Variants in DIP2B observed in about 807,000 individuals in gnomAD.
DIP2B encodes disco-interacting protein 2 homolog B.
Under a neutral mutation model 198.0 loss-of-function variants are expected in DIP2B, and 76 were observed. That is an observed-to-expected ratio of 0.38 (90% CI 0.32 to 0.46). The LOEUF is 0.46. Ranked by LOEUF, DIP2B falls within the 20% of genes least tolerant of loss-of-function variation. DIP2B has a pLI of 0.99. For missense variants in DIP2B, 1,559 were observed against 1,978.4 expected, an observed-to-expected ratio of 0.79 and a Z score of 4.02; for synonymous variants, 701 against 739.1, an observed-to-expected ratio of 0.95 and a Z score of 0.84.
intron 26 of DIP2B, among the ~76,000 whole-genome samples, chr12:50,721,702 T>C (rs2246840): frequency 0.89 from 134,929 of 152,198 alleles, 60,672 homozygotes; most frequent in Non-Finnish European, 0.98. Flanking sequence ...TTTGGAAACC[T>C]TCAAAACAGA....
At chr12:50,586,284 T>A (rs1255157064) in intron 1 of DIP2B, among the ~76,000 whole-genome samples, 1 of 151,948 alleles carries the variant, frequency 6.6e-6, no homozygotes, top group Non-Finnish European at 1.5e-5. Flanking sequence ...AAGTCCTGAG[T>A]AGAATGGATT....
rs1938177289 is a variant in DIP2B at position 50,637,248 on chromosome 12, TATC to T, written c.173-3473_173-3471del. On this transcript the variant is annotated intron_variant, in intron 2 of 37. Coordinates refer to ENST00000301180, the MANE Select transcript of DIP2B (RefSeq NM_173602.3). Reference sequence around the variant, plus strand: ...TAGGCAAGAGCCATGGAAATATTATTATCATTGATATTCTGTCATTTCCTGTAA... The same window carrying T: ...TAGGCAAGAGCCATGGAAATATTATTATTGATATTCTGTCATTTCCTGTAA... 4.6e-5 allele frequency among the ~76,000 whole-genome samples: 7 copies of T among 152,346 alleles called. No individual in the cohort carries two copies. In the South Asian group the frequency reaches 1.5e-3, roughly 32 times the overall value.
chr12:50,718,902 T>C (rs1939783045), intron 24 of DIP2B, 53 bp from the exon 25 acceptor site: 25 of 1,612,946 alleles, frequency 1.5e-5, no homozygotes, highest in Non-Finnish European at 2.1e-5. Context: ...ATGCATTATA[T>C]GACTTGTTAT....
In DIP2B at chr12:50,509,792, G is replaced by A. The variant is rs191339336; in HGVS notation, c.100+4552G>A. Among the ~76,000 whole-genome samples, 270 of 152,310 alleles carry A rather than the reference G, an allele frequency of 1.8e-3. 3 individuals are homozygous for A. Among genetic ancestry groups the A allele is most frequent in the Admixed American group, 0.016 (251 of 15,288 alleles). On this transcript the variant is annotated intron_variant, in intron 1 of 37. Transcript: ENST00000301180. ...TGCTTTACCTATCATGGGAAACGGGGCCACTTATCCCAAAATCCGTAGCTT... is the reference window on the plus strand; with the variant it reads ...TGCTTTACCTATCATGGGAAACGGGACCACTTATCCCAAAATCCGTAGCTT...
At chr12:50,585,508 G>A (rs1041301104) in intron 1 of DIP2B, among the ~76,000 whole-genome samples, 1 of 152,160 alleles carries the variant, frequency 6.6e-6, no homozygotes, top group Non-Finnish European at 1.5e-5. Flanking sequence ...AATGTTGGGG[G>A]GAAGAGTGTT....
At position 50,571,972 on chromosome 12, in the gene DIP2B, A is replaced by G. The variant is rs950647320; in HGVS notation, c.101-54004A>G. ...CAACTTTTAGTTTAACTATTCCTTT[A>G]GGAAAAGACATTTATGGATGCAGCT... On this transcript the variant is annotated intron_variant, in intron 1 of 37. Transcript: ENST00000301180. Among the ~76,000 whole-genome samples the G allele has an allele frequency of 4.6e-5, 7 of 152,234 alleles. 1 individual carries two copies. The highest frequency in any genetic ancestry group is 7.3e-5 in the Non-Finnish European group (5 of 68,044).
rs767138887 is a variant in DIP2B, at chr12:50,732,483, C to T, written c.3928C>T (p.Arg1310Trp). The part of the protein sequence containing the change: ...KLFKDIGLSP[R>W]AVSTTFGSRV... ...CTTCAAAGACATCGGGCTGTCCCCG[C>T]GGGCTGTCAGCACCACTTTTGGATC... Residue 1310 changes from arginine (R) to tryptophan (W), a missense_variant, in exon 32 of 38, where the codon CGG becomes TGG. Transcript: ENST00000301180. 7 of 1,614,232 alleles carry T rather than the reference C, an allele frequency of 4.3e-6. No individual in the cohort carries two copies. Among genetic ancestry groups the T allele is most frequent in the South Asian group, 2.2e-5 (2 of 91,088 alleles).
At chr12:50,593,694 TCCTCTCCTCTCCCCTCCTC>T (rs1958839846) in intron 1 of DIP2B, among the ~76,000 whole-genome samples, 1 of 99,786 alleles carries the variant, frequency 1.0e-5, no homozygotes, top group Non-Finnish European at 2.1e-5. Flanking sequence ...CACTCTTTTC[TCCTCTCCTCTCCCCTCCTC>T]TCCTCTCCTC....
chr12:50,522,108 C>G (rs1390000845), intron 1 of DIP2B, among the ~76,000 whole-genome samples: 1 of 151,994 alleles, frequency 6.6e-6, no homozygotes, highest in Non-Finnish European at 1.5e-5. Context: ...TCAAGTGATT[C>G]CCCTGCCTCA....
chr12:50,681,966 C>G (rs891307796), intron 9 of DIP2B, among the ~76,000 whole-genome samples: 6 of 152,164 alleles, frequency 3.9e-5, no homozygotes, highest in African/African-American at 1.4e-4. Flanking sequence ...GTGAACTTCT[C>G]TTGGGAGTGA....
rs1593618845 is a variant in DIP2B at position 50,571,849 on chromosome 12, C to T, written c.101-54127C>T. On this transcript the variant is annotated intron_variant, in intron 1 of 37. Transcript: ENST00000301180. ...TGGGAATTACAGGCGTGAGCCACCGCGCCCAGCCTGAGACCTAGGCATTTT... is the reference window on the plus strand; with the variant it reads ...TGGGAATTACAGGCGTGAGCCACCGTGCCCAGCCTGAGACCTAGGCATTTT... Among the ~76,000 whole-genome samples the T allele has an allele frequency of 2.6e-5, 4 of 152,302 alleles. No homozygotes were observed. In the East Asian group the frequency reaches 5.8e-4, roughly 22 times the overall value.
intron 14 of DIP2B, among the ~76,000 whole-genome samples, chr12:50,693,456 A>T (rs1592130788): frequency 6.6e-6 from 1 of 152,198 alleles, no homozygotes; most frequent in Non-Finnish European, 1.5e-5. Flanking sequence ...TATATGTAAC[A>T]TGCCATATAG....
chr12:50,683,273 A>C (rs776558777), intron 10 of DIP2B, 25 bp downstream of exon 10: 2 of 1,573,258 alleles, frequency 1.3e-6, no homozygotes, highest in Non-Finnish European at 1.7e-6. Context: ...TTTAAGAGGA[A>C]TGTAGCCTGA....
intron 5 of DIP2B, among the ~76,000 whole-genome samples, chr12:50,673,873 G>A (rs936757402): frequency 6.6e-6 from 1 of 152,114 alleles, no homozygotes; most frequent in African/African-American, 2.4e-5. Context: ...TGTCTGTCAA[G>A]GAGATCCAAA....
chr12:50,635,303 C>T (rs765210992), intron 2 of DIP2B, among the ~76,000 whole-genome samples: 1 of 152,126 alleles, frequency 6.6e-6, no homozygotes, highest in Non-Finnish European at 1.5e-5. Context: ...TAAGATCTTA[C>T]CTTTCACATT....
intron 12 of DIP2B, chr12:50,686,951 G>A (rs919445761): frequency 5.5e-5 from 16 of 291,698 alleles, no homozygotes; most frequent in Admixed American, 9.9e-5. Flanking sequence ...AAGTACAAGC[G>A]TTTAGGAAAT....
chr12:50,741,571 C>G lies in DIP2B; in HGVS notation c.4478+32C>G, dbSNP rs1454646634. The G allele has an allele frequency of 2.5e-6, 4 of 1,596,224 alleles. No individual in the cohort carries two copies. In the African/African-American group the frequency reaches 5.4e-5, roughly 21 times the overall value. On this transcript the variant is annotated intron_variant, in intron 37 of 37. Transcript: ENST00000301180. ...CCCTCAGCATACACTGTGCTTCCCA[C>G]TTCAGCTTTAGTCATAATCTCAACT...
chr12:50,518,223 CTTTT>C (rs11303099), intron 1 of DIP2B, among the ~76,000 whole-genome samples: 8 of 132,538 alleles, frequency 6.0e-5, no homozygotes, highest in Non-Finnish European at 8.2e-5. Context: ...TCTTGGGCAA[CTTTT>C]TTTTTTTTTT....
chr12:50,511,384 C>T (rs1018132578), intron 1 of DIP2B, among the ~76,000 whole-genome samples: 9 of 147,236 alleles, frequency 6.1e-5, no homozygotes, highest in African/African-American at 1.0e-4. Flanking sequence ...CCCCGCCTTC[C>T]GGGCTCAAGC....
Sources: allele counts gnomAD v4.1 joint callset (sites outside exome capture counted in the v4.1 genomes callset), GRCh38; gene constraint gnomAD v4.1.1; transcripts MANE v1.5; gene names NCBI Gene and HGNC (gene_info 2026-07-23, HGNC 2026-07-21).